The following DMD variants were observed in gnomAD, a reference collection of about 807,000 sequenced individuals.
DMD encodes the protein mutant dystrophin.
A neutral mutation model predicts 330.1 loss-of-function variants in DMD; 63 were observed. The observed-to-expected ratio is 0.19, with a 90% confidence interval of 0.16 to 0.24. The LOEUF is 0.24. Among genes scored for constraint, DMD ranks in the 10% least tolerant of loss-of-function variants. The pLI is 1.00. For synonymous variants in DMD, 1,223 were observed against 959.8 expected (o/e 1.27, Z -5.07); for missense variants, 3,344 against 2,684.1 (o/e 1.25, Z -5.43).
chrX:33,075,239 A>C (rs1224461493), intron 1 of DMD, among the ~76,000 whole-genome samples: 1 of 111,973 alleles, frequency 8.9e-6, no homozygotes, highest in Non-Finnish European at 1.9e-5. Flanking sequence ...GACTCAGTGC[A>C]CAGGAGGACC....
intron 44 of DMD, among the ~76,000 whole-genome samples, chrX:32,004,833 G>A (rs1156736947): frequency 9.0e-6 from 1 of 111,358 alleles, no homozygotes; most frequent in Non-Finnish European, 1.9e-5. Context: ...AAAGTTAAAT[G>A]GAGTGGCATT....
intron 47 of DMD, among the ~76,000 whole-genome samples, chrX:31,901,410 A>C (rs1299913826): frequency 8.9e-6 from 1 of 111,804 alleles, no homozygotes; most frequent in African/African-American, 3.2e-5. Context: ...TCAGAATAGA[A>C]CAATGTCTAC....
intron 62 of DMD, among the ~76,000 whole-genome samples, chrX:31,307,176 TAGTTAC>T (rs751595868): frequency 3.7e-4 from 41 of 111,828 alleles, no homozygotes; most frequent in Admixed American, 1.6e-3. Flanking sequence ...CCCTGAGTTA[TAGTTAC>T]AGTTACAGTT....
Position 31,499,784 on chromosome X carries a change from C to T in DMD, c.8391-2840G>A, listed in dbSNP as rs999630605. ...TTGGGAGTAGAGGCGTAAGCTACCA[C>T]ACCCAGCCGGGAATTCAGTTCTAAA... is the stretch of plus-strand genomic sequence containing the variant. On this transcript the variant is annotated intron_variant, in intron 56 of 78. Coordinates refer to ENST00000357033, the MANE Select transcript of DMD (RefSeq NM_004006.3). 1.2e-4 allele frequency among the ~76,000 whole-genome samples: 13 copies of T among 111,940 alleles called. No individual in the cohort carries two copies. The Admixed American group carries it at 1.2e-3, about 11-fold the overall frequency.
intron 61 of DMD, among the ~76,000 whole-genome samples, chrX:31,345,071 C>T (rs763718003): frequency 1.8e-5 from 2 of 111,988 alleles, no homozygotes; most frequent in South Asian, 7.5e-4. Flanking sequence ...CTTAGTCTCA[C>T]CGTCCTATTT....
intron 1 of DMD, among the ~76,000 whole-genome samples, chrX:33,189,073 T>C (rs768709864): frequency 2.7e-5 from 3 of 111,882 alleles, no homozygotes; most frequent in Non-Finnish European, 5.6e-5. Context: ...TATTCATTTG[T>C]AATGTTTTAT....
chrX:32,655,388 G>C (rs1466251056), intron 9 of DMD, among the ~76,000 whole-genome samples: 2 of 112,014 alleles, frequency 1.8e-5, no homozygotes, highest in Non-Finnish European at 3.8e-5. Context: ...CCTTCATTTC[G>C]TTATGTACCC....
chrX:31,413,211 G>A (rs906597471), intron 60 of DMD, among the ~76,000 whole-genome samples: 6 of 111,633 alleles, frequency 5.4e-5, no homozygotes, highest in South Asian at 3.8e-4. Flanking sequence ...GTATTGCCTC[G>A]TACAGTAAGC....
chrX:32,861,497 A>C (rs2082070383), intron 2 of DMD, among the ~76,000 whole-genome samples: 2 of 111,689 alleles, frequency 1.8e-5, no homozygotes, highest in African/African-American at 6.5e-5. Context: ...GTAATCTGAG[A>C]AGAGTTTAAT....
chrX:32,819,005 G>GTTTTTT (rs55923814), intron 5 of DMD, among the ~76,000 whole-genome samples: 4 of 69,835 alleles, frequency 5.7e-5, no homozygotes, highest in Admixed American at 1.9e-4. Context: ...TTCTACAGGT[G>GTTTTTT]TTTTTTTTTT....
intron 57 of DMD, among the ~76,000 whole-genome samples, chrX:31,482,057 C>T (rs1329716230): frequency 9.0e-6 from 1 of 111,151 alleles, no homozygotes; most frequent in Non-Finnish European, 1.9e-5. Context: ...GTTTCATCAG[C>T]GTTCATCATG....
intron 51 of DMD, among the ~76,000 whole-genome samples, chrX:31,760,676 G>A (rs1157386041): frequency 2.7e-5 from 3 of 111,538 alleles, no homozygotes; most frequent in East Asian, 5.6e-4. Flanking sequence ...GCATTTCTCC[G>A]AATGTATATC....
chrX:32,724,723 A>T (rs993298671), intron 7 of DMD, among the ~76,000 whole-genome samples: 1 of 111,887 alleles, frequency 8.9e-6, no homozygotes, highest in Non-Finnish European at 1.9e-5. Context: ...TAACTTTATT[A>T]GCTCTTCTCT....
chrX:32,708,783 C>T (rs1259707930), intron 7 of DMD, among the ~76,000 whole-genome samples: 1 of 111,532 alleles, frequency 9.0e-6, no homozygotes, highest in Non-Finnish European at 1.9e-5. Context: ...CAGCACAAAA[C>T]ATTTATGTGG....
chrX:32,579,715 G>C (rs1245485593), intron 13 of DMD, among the ~76,000 whole-genome samples: 1 of 112,844 alleles, frequency 8.9e-6, no homozygotes, highest in Admixed American at 9.3e-5. Context: ...CTCTGTATTT[G>C]TTTAATCATA....
chrX:32,990,215 GT>G (rs1296304466), intron 2 of DMD, among the ~76,000 whole-genome samples: 1 of 111,487 alleles, frequency 9.0e-6, no homozygotes, highest in Non-Finnish European at 1.9e-5. Flanking sequence ...TGAGGTACTT[GT>G]TTTCCTTTTA....
At chrX:32,085,840 C>T (rs1396269725) in intron 44 of DMD, among the ~76,000 whole-genome samples, 2 of 109,942 alleles carry the variant, frequency 1.8e-5, no homozygotes, top group Non-Finnish European at 3.8e-5. Context: ...TACAATGTGC[C>T]CCAATATTTA....
chrX:32,783,280 C>T (rs1206268586), intron 7 of DMD, among the ~76,000 whole-genome samples: 1 of 92,266 alleles, frequency 1.1e-5, no homozygotes, highest in Non-Finnish European at 2.3e-5. Flanking sequence ...GGTATATATA[C>T]ACCATATATA....
intron 57 of DMD, among the ~76,000 whole-genome samples, chrX:31,479,865 T>C (rs2068106501): frequency 9.0e-6 from 1 of 111,699 alleles, no homozygotes. Context: ...AAATTAACAC[T>C]AGAAGCAGAG....
Sources: gnomAD v4.1 joint callset for allele counts (sites outside exome capture counted in the v4.1 genomes callset) on GRCh38, gnomAD v4.1.1 for gene constraint, MANE v1.5 for transcripts, NCBI Gene and HGNC (gene_info 2026-07-23, HGNC 2026-07-21) for gene names.